GLIS3: variants seen among roughly 807,000 people sequenced by gnomAD.
GLIS3 encodes zinc finger protein GLIS3.
Under a neutral mutation model 78.6 loss-of-function variants are expected in GLIS3, and 53 were observed. The ratio of observed to expected loss-of-function variants is 0.67; its 90% CI spans 0.54 to 0.85. The LOEUF is 0.85. Ranked by LOEUF, GLIS3 falls within the 40% of genes least tolerant of loss-of-function variation. GLIS3 has a pLI of 0.00. For synonymous variants in GLIS3, 684 were observed against 509.9 expected, an observed-to-expected ratio of 1.34 and a Z score of -4.60; for missense variants, 1,703 against 1,231.1, an observed-to-expected ratio of 1.38 and a Z score of -5.74.
At chr9:4,170,760 T>C (rs894605687) in intron 2 of GLIS3, among the ~76,000 whole-genome samples, 2 of 152,182 alleles carry the variant, frequency 1.3e-5, no homozygotes, top group African/African-American at 4.8e-5. Flanking sequence ...TCAGGGTGTG[T>C]GTTTTATTAA....
At chr9:4,336,253 T>G (rs7856787) in intron 2 of GLIS3, among the ~76,000 whole-genome samples, 1 of 152,182 alleles carries the variant, frequency 6.6e-6, no homozygotes, top group Admixed American at 6.5e-5. Flanking sequence ...TGGCCACATG[T>G]GATATATGGG....
chr9:4,343,264 C>T (rs1817859997), intron 2 of GLIS3, among the ~76,000 whole-genome samples: 1 of 152,122 alleles, frequency 6.6e-6, no homozygotes, highest in Non-Finnish European at 1.5e-5. Flanking sequence ...ATTGCTTGAG[C>T]CCAGGAGTTC....
chr9:3,855,766 G>A (rs746384322), intron 9 of GLIS3: 1 of 504,748 alleles, frequency 2.0e-6, no homozygotes, highest in African/African-American at 1.9e-5. Context: ...CCTGGCCAAT[G>A]AAAAAACCAG....
chr9:4,322,058 G>A (rs2130548767), intron 2 of GLIS3, among the ~76,000 whole-genome samples: 1 of 152,160 alleles, frequency 6.6e-6, no homozygotes, highest in East Asian at 1.9e-4. Context: ...GCCCTGGTGT[G>A]TGATGTTCCC....
chr9:4,175,637 T>G (rs935422076), intron 2 of GLIS3, among the ~76,000 whole-genome samples: 7 of 152,194 alleles, frequency 4.6e-5, no homozygotes, highest in Non-Finnish European at 8.8e-5. Flanking sequence ...ACTAAACTTC[T>G]GATTCTACCC....
At chr9:4,289,024 TATG>T (rs1828231730) in intron 1 of GLIS3, among the ~76,000 whole-genome samples, 1 of 152,178 alleles carries the variant, frequency 6.6e-6, no homozygotes, top group Admixed American at 6.5e-5. Context: ...AGCTAGGCCA[TATG>T]ATGAAGATAT....
chr9:3,944,736 A>T (rs909431524), intron 4 of GLIS3, among the ~76,000 whole-genome samples: 1 of 152,268 alleles, frequency 6.6e-6, no homozygotes, highest in African/African-American at 2.4e-5. Flanking sequence ...CTGCATAAAC[A>T]TACCTGTCTC....
chr9:4,368,144 A>G, the GLIS3 span, among the ~76,000 whole-genome samples: 3 of 152,318 alleles, frequency 2.0e-5, no homozygotes, highest in East Asian at 5.8e-4. Context: ...AAAATCACTT[A>G]TATCAGCTTT....
At chr9:4,169,874 TTAAAA>T (rs1468200738) in intron 2 of GLIS3, among the ~76,000 whole-genome samples, 2 of 152,142 alleles carry the variant, frequency 1.3e-5, no homozygotes, top group African/African-American at 4.8e-5. Context: ...AAATTAAAAC[TTAAAA>T]TATAATAAAG....
chr9:4,404,099 C>T, the GLIS3 span, among the ~76,000 whole-genome samples: 1 of 152,046 alleles, frequency 6.6e-6, no homozygotes, highest in African/African-American at 2.4e-5. Context: ...AAATAGATTT[C>T]AAGACAAAAA....
intron 4 of GLIS3, among the ~76,000 whole-genome samples, chr9:4,028,414 G>A (rs181515786): frequency 7.2e-5 from 11 of 152,068 alleles, no homozygotes; most frequent in Admixed American, 3.9e-4. Flanking sequence ...CTCAAATCAC[G>A]CAGCCTTTAT....
At chr9:4,318,206 G>A (rs528247557) in intron 2 of GLIS3, among the ~76,000 whole-genome samples, 8 of 152,270 alleles carry the variant, frequency 5.3e-5, no homozygotes, top group African/African-American at 1.9e-4. Flanking sequence ...GGAAAGTGGG[G>A]AGGTAAGGAA....
chr9:4,088,351 T>C (rs1829219192), intron 4 of GLIS3, among the ~76,000 whole-genome samples: 1 of 152,230 alleles, frequency 6.6e-6, no homozygotes. Flanking sequence ...TAATAATTAT[T>C]TGGTGAATCC....
At chr9:4,021,024 G>A (rs1396711634) in intron 4 of GLIS3, among the ~76,000 whole-genome samples, 2 of 152,210 alleles carry the variant, frequency 1.3e-5, no homozygotes, top group Non-Finnish European at 2.9e-5. Flanking sequence ...ACTTGTTCAA[G>A]ACTAACAGGA....
chr9:4,375,485 T>G, the GLIS3 span, among the ~76,000 whole-genome samples: 2 of 152,230 alleles, frequency 1.3e-5, no homozygotes, highest in African/African-American at 4.8e-5. Flanking sequence ...ACATTGAAGA[T>G]TAATCTTTCT....
intron 4 of GLIS3, among the ~76,000 whole-genome samples, chr9:4,091,093 G>A (rs1198306388): frequency 6.6e-6 from 1 of 152,192 alleles, no homozygotes; most frequent in Admixed American, 6.5e-5. Flanking sequence ...GGTGGCTCAT[G>A]CCTGTAATCC....
At chr9:4,119,635 G>A (rs1206317980) in intron 3 of GLIS3, among the ~76,000 whole-genome samples, 2 of 152,260 alleles carry the variant, frequency 1.3e-5, no homozygotes, top group Non-Finnish European at 2.9e-5. Flanking sequence ...TGCTAGTTGG[G>A]TTTTCTGTGA....
intron 4 of GLIS3, among the ~76,000 whole-genome samples, chr9:3,952,831 C>A (rs1477585657): frequency 6.6e-6 from 1 of 152,106 alleles, no homozygotes; most frequent in Middle Eastern, 3.2e-3. Context: ...GGTCTGGATG[C>A]TACATTTCTA....
chr9:4,025,393 CTTG>C (rs2130197276), intron 4 of GLIS3, among the ~76,000 whole-genome samples: 1 of 152,170 alleles, frequency 6.6e-6, no homozygotes, highest in Non-Finnish European at 1.5e-5. Context: ...TATTTGTTTG[CTTG>C]TTTGTTTTTT....
Sources: allele counts gnomAD v4.1 joint callset (sites outside exome capture counted in the v4.1 genomes callset), GRCh38; gene constraint gnomAD v4.1.1; transcripts MANE v1.5; gene names NCBI Gene and HGNC (gene_info 2026-07-23, HGNC 2026-07-21).